SORCS3: variants seen among roughly 807,000 people sequenced by gnomAD.
SORCS3 encodes VPS10 domain-containing receptor SorCS3.
SORCS3 carries 57 observed loss-of-function variants against 146.3 expected under a neutral mutation model. The observed-to-expected ratio is 0.39, with a 90% CI of 0.31 to 0.49. The LOEUF (loss-of-function observed/expected upper bound fraction) is 0.49. Among genes scored for constraint, SORCS3 ranks in the 20% least tolerant of loss-of-function variants. The pLI, the probability that SORCS3 is intolerant of heterozygous loss-of-function variation, is 0.92. For synonymous variants in SORCS3, 653 were observed against 618.5 expected, an observed-to-expected ratio of 1.06 and a Z score of -0.83; for missense variants, 1,341 against 1,575.5, an observed-to-expected ratio of 0.85 and a Z score of 2.52.
intron 5 of SORCS3, among the ~76,000 whole-genome samples, chr10:105,050,151 C>A (rs2133709935): frequency 6.6e-6 from 1 of 152,118 alleles, no homozygotes; most frequent in South Asian, 2.1e-4. Context: ...CAGTATCAGT[C>A]TATTTAGTTA....
intron 1 of SORCS3, among the ~76,000 whole-genome samples, chr10:104,830,450 GA>G (rs1240958758): frequency 6.6e-6 from 1 of 152,114 alleles, no homozygotes; most frequent in Non-Finnish European, 1.5e-5. Flanking sequence ...TGTGTGTGCT[GA>G]GGTGCATCAG....
At chr10:104,671,325 CTTTTT>C (rs771029154) in intron 1 of SORCS3, among the ~76,000 whole-genome samples, 32 of 19,196 alleles carry the variant, frequency 1.7e-3, no homozygotes, top group East Asian at 0.011. Flanking sequence ...CATTCTTTTC[CTTTTT>C]TTTTTTTTTT....
intron 5 of SORCS3, among the ~76,000 whole-genome samples, chr10:105,070,120 G>A (rs2055547295): frequency 1.3e-5 from 2 of 152,178 alleles, no homozygotes; most frequent in African/African-American, 4.8e-5. Flanking sequence ...TTCTCCCAAT[G>A]TCTCTTCTCT....
At chr10:104,984,881 C>T (rs2054953226) in intron 4 of SORCS3, among the ~76,000 whole-genome samples, 1 of 152,138 alleles carries the variant, frequency 6.6e-6, no homozygotes, top group Non-Finnish European at 1.5e-5. Flanking sequence ...CATATCTCAA[C>T]TTAAAAATAC....
chr10:105,160,298 A>C (rs1452067083), intron 11 of SORCS3, among the ~76,000 whole-genome samples: 1 of 152,182 alleles, frequency 6.6e-6, no homozygotes, highest in Non-Finnish European at 1.5e-5. Flanking sequence ...AAAATAATAG[A>C]ATTGCAGGAT....
At position 104,819,485 on chromosome 10, in the gene SORCS3, C is replaced by A. The variant is rs549493205; in HGVS notation, c.628-23307C>A. On this transcript the variant is annotated intron_variant, in intron 1 of 26. Coordinates refer to ENST00000369701, the MANE Select transcript of SORCS3 (RefSeq NM_014978.3). ...TCCTCACATCTCCTCCTCTCATATG[C>A]CCACAATACCCGATAAATCCTTTGC... is the stretch of plus-strand genomic sequence containing the variant. Among the ~76,000 whole-genome samples, 27 of 152,326 alleles carry A rather than the reference C, an allele frequency of 1.8e-4. No individual in the cohort carries two copies. In the South Asian group the frequency reaches 2.3e-3, roughly 13 times the overall value.
rs17204611 is a variant in SORCS3, at chr10:105,179,967, A to T, written c.2009+1794A>T. On this transcript the variant is annotated intron_variant, in intron 14 of 26. Coordinates refer to ENST00000369701, the MANE Select transcript of SORCS3 (RefSeq NM_014978.3). ...TACTGTTAACCCTGATTCTCTCTTT[A>T]GCTCTGTGTGGTCAGGGAGAAAAAA... Among the ~76,000 whole-genome samples, 1,240 of 152,308 alleles carry T rather than the reference A, an allele frequency of 8.1e-3. 7 individuals are homozygous for T. Among genetic ancestry groups the T allele is most frequent in the Non-Finnish European group, 0.014 (958 of 68,022 alleles).
chr10:104,980,653 C>A (rs2054926845), intron 4 of SORCS3, among the ~76,000 whole-genome samples: 1 of 152,122 alleles, frequency 6.6e-6, no homozygotes, highest in Non-Finnish European at 1.5e-5. Context: ...ATCGATGTTT[C>A]CATTATTGTG....
intron 1 of SORCS3, among the ~76,000 whole-genome samples, chr10:104,826,128 T>C (rs1326808061): frequency 6.6e-6 from 1 of 152,132 alleles, no homozygotes; most frequent in Non-Finnish European, 1.5e-5. Flanking sequence ...GCGGGACAGT[T>C]TCCTTATCTA....
intron 2 of SORCS3, among the ~76,000 whole-genome samples, chr10:104,888,511 A>G (rs915515253): frequency 2.0e-5 from 3 of 152,080 alleles, no homozygotes; most frequent in African/African-American, 7.3e-5. Flanking sequence ...GATGTTGTCC[A>G]TTCTTATTTC....
chr10:104,898,384 G>C (rs539295501), intron 2 of SORCS3, among the ~76,000 whole-genome samples: 1 of 152,222 alleles, frequency 6.6e-6, no homozygotes, highest in Non-Finnish European at 1.5e-5. Flanking sequence ...TCAGCAAATT[G>C]TATTTCTTTT....
chr10:105,013,017 T>C (rs1486288817), intron 4 of SORCS3, among the ~76,000 whole-genome samples: 1 of 152,162 alleles, frequency 6.6e-6, no homozygotes, highest in Non-Finnish European at 1.5e-5. Flanking sequence ...GCGTTATGAT[T>C]GAGGGTGGTT....
intron 2 of SORCS3, among the ~76,000 whole-genome samples, chr10:104,894,773 G>A (rs1046230953): frequency 2.6e-5 from 4 of 152,172 alleles, no homozygotes; most frequent in African/African-American, 9.7e-5. Flanking sequence ...TTGGGGAATG[G>A]AAAAGGAGAA....
intron 4 of SORCS3, among the ~76,000 whole-genome samples, chr10:104,979,245 A>T (rs1298553971): frequency 1.3e-5 from 2 of 152,178 alleles, no homozygotes; most frequent in Non-Finnish European, 2.9e-5. Context: ...CCGTTAGATG[A>T]ATGAATTAGT....
intron 13 of SORCS3, among the ~76,000 whole-genome samples, chr10:105,168,568 C>T (rs2056334062): frequency 1.3e-5 from 2 of 152,034 alleles, no homozygotes; most frequent in Admixed American, 6.6e-5. Flanking sequence ...GCCTAACTAC[C>T]AGGTCTTAGA....
At chr10:104,815,286 C>G (rs886637333) in intron 1 of SORCS3, among the ~76,000 whole-genome samples, 1 of 151,702 alleles carries the variant, frequency 6.6e-6, no homozygotes, top group Non-Finnish European at 1.5e-5. Context: ...ATGGTGAAAC[C>G]CTGTCTCTAC....
intron 11 of SORCS3, among the ~76,000 whole-genome samples, chr10:105,162,196 G>A (rs1189563966): frequency 1.3e-5 from 2 of 152,162 alleles, no homozygotes; most frequent in Admixed American, 6.5e-5. Flanking sequence ...GAGAAGGATA[G>A]CACTGGGAGG....
rs547955200 is a variant in SORCS3 at position 105,209,273 on chromosome 10, T to C, written c.2262-1864T>C. Among the ~76,000 whole-genome samples the C allele has an allele frequency of 9.2e-5, 14 of 152,206 alleles. No homozygotes were observed. The South Asian group carries it at 2.9e-3, about 32-fold the overall frequency. On this transcript the variant is annotated intron_variant, in intron 16 of 26. Coordinates refer to ENST00000369701, the MANE Select transcript of SORCS3 (RefSeq NM_014978.3). Reference sequence around the variant, plus strand: ...TCTCCTTCCAAGCCTCCCAAGTAGCTGGGATTACAAGCTCCTGCCACCATG... The same window carrying C: ...TCTCCTTCCAAGCCTCCCAAGTAGCCGGGATTACAAGCTCCTGCCACCATG...
intron 4 of SORCS3, among the ~76,000 whole-genome samples, chr10:105,035,978 G>A (rs2055303660): frequency 1.3e-5 from 2 of 151,888 alleles, no homozygotes; most frequent in Admixed American, 6.6e-5. Flanking sequence ...CATTCTTATG[G>A]AGTTGTCTCT....
Sources: allele counts gnomAD v4.1 joint callset (sites outside exome capture counted in the v4.1 genomes callset), GRCh38; gene constraint gnomAD v4.1.1; transcripts MANE v1.5; gene names NCBI Gene and HGNC (gene_info 2026-07-23, HGNC 2026-07-21).